Variants in FABP12 observed in about 807,000 individuals in gnomAD.
FABP12 encodes fatty acid binding protein 12.
FABP12 carries 19 observed loss-of-function variants against 13.7 expected under a neutral mutation model. That is an observed-to-expected ratio of 1.39 (90% CI 0.97 to 2.04). FABP12 has a LOEUF of 2.04. FABP12 is among the 30% of genes most tolerant of loss of function. FABP12 has a pLI of 0.00. For missense variants in FABP12, 182 were observed against 164.2 expected (o/e 1.11, Z -0.59); for synonymous variants, 61 against 57.0 (o/e 1.07, Z -0.32).
chr8:81,585,553 C>T (rs1005341422), intron 1 of FABP12, among the ~76,000 whole-genome samples: 2 of 152,094 alleles, frequency 1.3e-5, no homozygotes, highest in Non-Finnish European at 2.9e-5. Flanking sequence ...AAAATTGCTC[C>T]ACCTATGAAG....
chr8:81,577,677 C>T (rs1810074033), intron 1 of FABP12, among the ~76,000 whole-genome samples: 1 of 152,172 alleles, frequency 6.6e-6, no homozygotes, highest in Non-Finnish European at 1.5e-5. Flanking sequence ...AGGAGAATCG[C>T]TTGAACCCGG....
At chr8:81,560,488 C>CA (rs1809704958) in intron 1 of FABP12, among the ~76,000 whole-genome samples, 1 of 152,188 alleles carries the variant, frequency 6.6e-6, no homozygotes, top group African/African-American at 2.4e-5. Flanking sequence ...TTATTGGCCT[C>CA]AAAAAAGGTT....
intron 1 of FABP12, among the ~76,000 whole-genome samples, chr8:81,559,636 G>A (rs1809684583): frequency 6.6e-6 from 1 of 152,306 alleles, no homozygotes; most frequent in East Asian, 1.9e-4. Context: ...ACACTTTTCT[G>A]AGACCTCAAA....
At chr8:81,574,291 C>A (rs1809991960) in intron 1 of FABP12, among the ~76,000 whole-genome samples, 1 of 152,074 alleles carries the variant, frequency 6.6e-6, no homozygotes, top group Non-Finnish European at 1.5e-5. Flanking sequence ...CCCTGCATCC[C>A]TGGTATGAAA....
chr8:81,546,605 G>A (rs551750355), intron 1 of FABP12, among the ~76,000 whole-genome samples: 43 of 152,252 alleles, frequency 2.8e-4, no homozygotes, highest in African/African-American at 9.6e-4. Context: ...GGAGTGAGCT[G>A]GGATTGTGTC....
chr8:81,563,782 A>G (rs1196503410), intron 1 of FABP12, among the ~76,000 whole-genome samples: 1 of 152,208 alleles, frequency 6.6e-6, no homozygotes, highest in Non-Finnish European at 1.5e-5. Flanking sequence ...ACACACCCAC[A>G]AGATCTAGAA....
At chr8:81,542,991 A>G (rs1809376386) in intron 1 of FABP12, among the ~76,000 whole-genome samples, 1 of 152,206 alleles carries the variant, frequency 6.6e-6, no homozygotes, top group African/African-American at 2.4e-5. Context: ...CTAAGGGTTG[A>G]CTTCAGTGAA....
intron 1 of FABP12, among the ~76,000 whole-genome samples, chr8:81,574,781 G>C (rs1034889293): frequency 6.6e-6 from 1 of 152,054 alleles, no homozygotes; most frequent in African/African-American, 2.4e-5. Flanking sequence ...TATTAGAGTC[G>C]TGTCAGTCGT....
intron 1 of FABP12, among the ~76,000 whole-genome samples, chr8:81,584,781 C>T (rs145581621): frequency 6.6e-6 from 1 of 152,164 alleles, no homozygotes; most frequent in South Asian, 2.1e-4. Flanking sequence ...ACAAGGGTTC[C>T]TCCTTCTCCA....
chr8:81,588,140 C>G (rs187827181), intron 1 of FABP12, among the ~76,000 whole-genome samples: 2 of 152,158 alleles, frequency 1.3e-5, no homozygotes, highest in Non-Finnish European at 2.9e-5. Context: ...AGTCCACTGA[C>G]GCAAATGTTA....
intron 1 of FABP12, among the ~76,000 whole-genome samples, chr8:81,562,607 T>C (rs937713783): frequency 3.9e-5 from 6 of 152,052 alleles, no homozygotes; most frequent in African/African-American, 1.2e-4. Context: ...CCTTGGGCCT[T>C]GAATGAACAT....
chr8:81,574,514 G>A (rs1427231239), intron 1 of FABP12, among the ~76,000 whole-genome samples: 2 of 152,008 alleles, frequency 1.3e-5, no homozygotes, highest in Non-Finnish European at 2.9e-5. Context: ...GTAGAATAGT[G>A]TCAATAGGAT....
chr8:81,547,766 G>A (rs1809459012), intron 1 of FABP12, among the ~76,000 whole-genome samples: 1 of 152,162 alleles, frequency 6.6e-6, no homozygotes, highest in Non-Finnish European at 1.5e-5. Context: ...AATAGGATGA[G>A]AACACCAACT....
chr8:81,571,032 G>A (rs1181140038), intron 1 of FABP12, among the ~76,000 whole-genome samples: 1 of 140,096 alleles, frequency 7.1e-6, no homozygotes, highest in Non-Finnish European at 1.5e-5. Context: ...GCAGGCCAGC[G>A]CCGAGCCACC....
chr8:81,575,949 C>T (rs1585858385), intron 1 of FABP12, among the ~76,000 whole-genome samples: 1 of 152,192 alleles, frequency 6.6e-6, no homozygotes, highest in South Asian at 2.1e-4. Flanking sequence ...TTGTCTTCCA[C>T]GAAATTGGTT....
chr8:81,568,013 C>T (rs890995884), intron 1 of FABP12, among the ~76,000 whole-genome samples: 16 of 152,028 alleles, frequency 1.1e-4, no homozygotes, highest in Non-Finnish European at 2.2e-4. Flanking sequence ...GTCCCAGCTA[C>T]TCGGGAGGCT....
At chr8:81,582,565 T>C (rs893644752) in intron 1 of FABP12, among the ~76,000 whole-genome samples, 1 of 151,786 alleles carries the variant, frequency 6.6e-6, no homozygotes, top group Non-Finnish European at 1.5e-5. Context: ...TATAATTATA[T>C]CAAATAAAAT....
chr8:81,574,514 G>T (rs1427231239), intron 1 of FABP12, among the ~76,000 whole-genome samples: 1 of 152,008 alleles, frequency 6.6e-6, no homozygotes, highest in African/African-American at 2.4e-5. Context: ...GTAGAATAGT[G>T]TCAATAGGAT....
intron 2 of FABP12, among the ~76,000 whole-genome samples, 156 bp downstream of exon 2, chr8:81,531,087 T>C (rs1809061657): frequency 6.6e-6 from 1 of 152,244 alleles, no homozygotes; most frequent in African/African-American, 2.4e-5. Context: ...AACATAGTTT[T>C]GCACAGAACT....
Sources: gnomAD v4.1 joint callset for allele counts (sites outside exome capture counted in the v4.1 genomes callset) on GRCh38, gnomAD v4.1.1 for gene constraint, MANE v1.5 for transcripts, NCBI Gene and HGNC (gene_info 2026-07-23, HGNC 2026-07-21) for gene names.